The following GSK3B variants were observed in gnomAD, a reference collection of about 807,000 sequenced individuals.
The protein encoded by GSK3B is glycogen synthase kinase 3 beta, also known as glycogen synthase kinase-3 beta.
Under a neutral mutation model 56.4 loss-of-function variants are expected in GSK3B, and 15 were observed. The observed-to-expected ratio is 0.27, with a 90% CI of 0.18 to 0.41. The LOEUF (loss-of-function observed/expected upper bound fraction) is 0.41. GSK3B is among the 10% of genes least tolerant of loss of function. The probability of loss-of-function intolerance (pLI) is 1.00; values close to 1 mark genes in which losing one functional copy is unlikely to be tolerated. For missense variants in GSK3B, 300 were observed against 513.4 expected, an observed-to-expected ratio of 0.58 and a Z score of 4.02; for synonymous variants, 181 against 188.9, an observed-to-expected ratio of 0.96 and a Z score of 0.34.
At chr3:119,976,588 C>T (rs997217036) in intron 2 of GSK3B, among the ~76,000 whole-genome samples, 4 of 152,006 alleles carry the variant, frequency 2.6e-5, no homozygotes, top group Non-Finnish European at 4.4e-5. Context: ...AATGGGTACA[C>T]AGTTTCATTT....
At chr3:119,952,042 G>C in intron 2 of GSK3B, among the ~76,000 whole-genome samples, 2 of 150,788 alleles carry the variant, frequency 1.3e-5, no homozygotes, top group East Asian at 3.9e-4. Flanking sequence ...AAAATAAACA[G>C]AGCCTCAGAT....
At chr3:119,922,116 A>T (rs527951953) in intron 4 of GSK3B, among the ~76,000 whole-genome samples, 26 of 151,498 alleles carry the variant, frequency 1.7e-4, no homozygotes, top group African/African-American at 6.3e-4. Context: ...CAGCCTGGGC[A>T]ACAGAGTGAA....
At chr3:119,960,151 CAAAAAAAAAAAA>C (rs574956694) in intron 2 of GSK3B, among the ~76,000 whole-genome samples, 2 of 74,644 alleles carry the variant, frequency 2.7e-5, no homozygotes, top group African/African-American at 1.0e-4. Context: ...TATGCTGAGA[CAAAAAAAAAAAA>C]AAAAAAAAAA....
At chr3:120,085,615 C>A (rs62266281) in intron 1 of GSK3B, among the ~76,000 whole-genome samples, 3 of 152,014 alleles carry the variant, frequency 2.0e-5, no homozygotes, top group Admixed American at 1.3e-4. Flanking sequence ...GTCTGGCCAA[C>A]ATGGTGAAAC....
intron 7 of GSK3B, among the ~76,000 whole-genome samples, chr3:119,891,089 A>C (rs2056496279): frequency 6.6e-6 from 1 of 152,012 alleles, no homozygotes; most frequent in African/African-American, 2.4e-5. Context: ...AAGTATAGGT[A>C]ATGTGTGAGG....
At chr3:119,986,934 C>T (rs1370148388) in intron 2 of GSK3B, among the ~76,000 whole-genome samples, 1 of 152,152 alleles carries the variant, frequency 6.6e-6, no homozygotes, top group Non-Finnish European at 1.5e-5. Flanking sequence ...CGCAAATGTC[C>T]ATCAATGATA....
At chr3:119,958,593 A>G (rs2057238893) in intron 2 of GSK3B, among the ~76,000 whole-genome samples, 1 of 152,058 alleles carries the variant, frequency 6.6e-6, no homozygotes, top group Non-Finnish European at 1.5e-5. Context: ...TGGGAGGATC[A>G]CTTTAACCAG....
At position 120,038,705 on chromosome 3, in the gene GSK3B, T is replaced by C. The variant is rs138045773; in HGVS notation, c.89-36466A>G. Among the ~76,000 whole-genome samples, 18 of 152,046 alleles carry C rather than the reference T, an allele frequency of 1.2e-4. No individual in the cohort carries two copies. In the South Asian group the frequency reaches 3.3e-3, roughly 28 times the overall value. ...TAAAAAATTAGCTCAAACTGCATCA[T>C]AGACCTAAAGTAAAATGCAAAGCTA... On this transcript the variant is annotated intron_variant, in intron 1 of 10. Transcript: ENST00000264235.
chr3:120,078,137 A>G (rs2058382353), intron 1 of GSK3B, among the ~76,000 whole-genome samples: 1 of 152,142 alleles, frequency 6.6e-6, no homozygotes, highest in Non-Finnish European at 1.5e-5. Flanking sequence ...TTTTCTAATT[A>G]GCTTCTTCCC....
chr3:120,009,804 G>A (rs138040693), intron 1 of GSK3B, among the ~76,000 whole-genome samples: 39 of 151,900 alleles, frequency 2.6e-4, no homozygotes, highest in African/African-American at 7.0e-4. Context: ...AAAACTGCAC[G>A]TTCTGTACAT....
At chr3:120,036,602 G>C (rs1257767225) in intron 1 of GSK3B, among the ~76,000 whole-genome samples, 1 of 151,830 alleles carries the variant, frequency 6.6e-6, no homozygotes, top group Non-Finnish European at 1.5e-5. Context: ...AGACCAGCCG[G>C]GCCAACATGG....
intron 9 of GSK3B, among the ~76,000 whole-genome samples, chr3:119,858,451 G>C (rs2056051813): frequency 6.6e-6 from 1 of 152,162 alleles, no homozygotes; most frequent in Non-Finnish European, 1.5e-5. Flanking sequence ...CCTTCCTTAA[G>C]CCTCATGAAC....
rs199503844 is a variant in GSK3B, at chr3:119,954,313, C to T, written c.283-6962G>A. The stretch of plus-strand genomic sequence containing the variant: ...AGAATAGAATAGAATAGAAAAGAAA[C>T]AGAACAGAACAGAACAGCATAGCAT... On this transcript the variant is annotated intron_variant, in intron 2 of 10. Transcript: ENST00000264235. Among the ~76,000 whole-genome samples the T allele has an allele frequency of 1.2e-3, 154 of 124,654 alleles. 1 individual carries two copies. The highest frequency in any genetic ancestry group is 4.0e-3 in the Middle Eastern group (1 of 250). 81.8% of individuals were successfully genotyped at this position (124,654 alleles called of 152,430 possible).
At chr3:119,880,215 G>A (rs1038380839) in intron 7 of GSK3B, among the ~76,000 whole-genome samples, 7 of 152,162 alleles carry the variant, frequency 4.6e-5, no homozygotes, top group Non-Finnish European at 8.8e-5. Flanking sequence ...TTTCTCTGAT[G>A]ATCAATGATG....
chr3:119,997,297 G>C (rs2057628606), intron 2 of GSK3B, among the ~76,000 whole-genome samples: 1 of 152,146 alleles, frequency 6.6e-6, no homozygotes, highest in South Asian at 2.1e-4. Flanking sequence ...TATTTACATG[G>C]AGGAAGACTT....
At chr3:120,028,802 G>C (rs2057951235) in intron 1 of GSK3B, 1 of 448,172 alleles carries the variant, frequency 2.2e-6, no homozygotes. Context: ...CTCCGCCAGT[G>C]GGCGGCCGCA....
At chr3:119,832,718 T>C (rs2055623060) in intron 10 of GSK3B, among the ~76,000 whole-genome samples, 1 of 152,268 alleles carries the variant, frequency 6.6e-6, no homozygotes, top group Admixed American at 6.5e-5. Context: ...TTGTACCAGA[T>C]GCTGCAAAGC....
intron 9 of GSK3B, among the ~76,000 whole-genome samples, chr3:119,854,132 C>G (rs912649248): frequency 6.6e-6 from 1 of 152,134 alleles, no homozygotes; most frequent in Non-Finnish European, 1.5e-5. Flanking sequence ...GCATGAAGGT[C>G]TGTTGAATTT....
intron 1 of GSK3B, among the ~76,000 whole-genome samples, chr3:120,063,875 T>C (rs1292750777): frequency 1.3e-5 from 2 of 151,750 alleles, no homozygotes; most frequent in Non-Finnish European, 2.9e-5. Context: ...TAATCACAGC[T>C]ACTTAGGAGG....
Sources: gnomAD v4.1 joint callset for allele counts (sites outside exome capture counted in the v4.1 genomes callset) on GRCh38, gnomAD v4.1.1 for gene constraint, MANE v1.5 for transcripts, NCBI Gene and HGNC (gene_info 2026-07-23, HGNC 2026-07-21) for gene names.